ESRRG: variants seen among roughly 807,000 people sequenced by gnomAD.
ESRRG encodes estrogen-related receptor gamma.
In ESRRG, 13 loss-of-function variants were observed where a neutral mutation model predicts 44.0. The observed-to-expected ratio is 0.30, with a 90% CI of 0.19 to 0.47. ESRRG has a LOEUF of 0.47. ESRRG is among the 20% of genes least tolerant of loss of function. The pLI is 1.00. For synonymous variants in ESRRG, 215 were observed against 214.6 expected, an observed-to-expected ratio of 1.00 and a Z score of -0.02; for missense variants, 395 against 580.6, an observed-to-expected ratio of 0.68 and a Z score of 3.29.
In ESRRG at chr1:217,087,864, T is replaced by C. The variant is rs896072874; in HGVS notation, c.-106+1643A>G. 4.6e-5 allele frequency among the ~76,000 whole-genome samples: 7 copies of C among 152,304 alleles called. 1 individual carries two copies. The South Asian group carries it at 1.5e-3, about 32-fold the overall frequency. ...CTTATATACTTGATTCTTTTTCTAT[T>C]TGAAGGAGATGAAACCTCATCAATG... On this transcript the variant is annotated intron_variant, in intron 1 of 7. Transcript: ENST00000359162.
intron 3 of ESRRG, among the ~76,000 whole-genome samples, chr1:216,636,455 A>T (rs982687154): frequency 6.6e-6 from 1 of 152,226 alleles, no homozygotes; most frequent in African/African-American, 2.4e-5. Flanking sequence ...TTTTTCAGTG[A>T]TCTCTCTCAT....
chr1:216,699,467 C>A (rs755791835), intron 1 of ESRRG, among the ~76,000 whole-genome samples: 15 of 152,252 alleles, frequency 9.9e-5, no homozygotes, highest in South Asian at 4.2e-4. Context: ...TGACCACAAT[C>A]TTCAGTCTAC....
At position 216,514,984 on chromosome 1, in the gene ESRRG, A is replaced by ACACG. The variant is rs541287383; in HGVS notation, c.1132+4167_1132+4168insCGTG. Reference sequence around the variant, plus strand: ...TACACACACACACACACACACACACACAACACACACTTACATATGCACATA... The same window carrying ACACG: ...TACACACACACACACACACACACACACACGCAACACACACTTACATATGCACATA... On this transcript the variant is annotated intron_variant, in intron 6 of 6. Coordinates refer to ENST00000408911, the MANE Select transcript of ESRRG (RefSeq NM_001438.4). Among the ~76,000 whole-genome samples, 18 of 151,626 alleles carry ACACG rather than the reference A, an allele frequency of 1.2e-4. No individual in the cohort carries two copies. In the South Asian group the frequency reaches 3.3e-3, roughly 28 times the overall value.
At chr1:216,567,031 A>T (rs1338452970) in intron 4 of ESRRG, among the ~76,000 whole-genome samples, 1 of 152,202 alleles carries the variant, frequency 6.6e-6, no homozygotes, top group East Asian at 1.9e-4. Flanking sequence ...AGAAGTGGAC[A>T]TCTTCTCTTC....
chr1:216,817,950 A>T (rs1309450543), intron 2 of ESRRG, among the ~76,000 whole-genome samples: 2 of 151,976 alleles, frequency 1.3e-5, no homozygotes, highest in Non-Finnish European at 2.9e-5. Context: ...AATGCATATG[A>T]GGTCTGACTG....
chr1:216,856,602 T>C (rs1166883332), intron 2 of ESRRG, among the ~76,000 whole-genome samples: 1 of 152,212 alleles, frequency 6.6e-6, no homozygotes, highest in African/African-American at 2.4e-5. Context: ...AATTTAACCT[T>C]TGGAAAGTTA....
chr1:216,806,568 C>G (rs2094799677), intron 2 of ESRRG, among the ~76,000 whole-genome samples: 1 of 152,142 alleles, frequency 6.6e-6, no homozygotes, highest in Admixed American at 6.6e-5. Flanking sequence ...AATTTTAATT[C>G]CACTACTTCA....
intron 2 of ESRRG, among the ~76,000 whole-genome samples, chr1:216,756,944 T>C (rs991615958): frequency 1.1e-4 from 16 of 151,934 alleles, no homozygotes; most frequent in African/African-American, 3.9e-4. Flanking sequence ...ATAACTGAGA[T>C]GTCTAGGGTA....
intron 2 of ESRRG, among the ~76,000 whole-genome samples, chr1:216,902,546 G>C (rs12563547): frequency 0.096 from 14,539 of 151,840 alleles, 800 homozygotes; most frequent in East Asian, 0.14. Flanking sequence ...TGACAAAAGA[G>C]AGGAGAGAAA....
At chr1:216,973,468 A>AGGTC (rs1307224723) in intron 1 of ESRRG, among the ~76,000 whole-genome samples, 1 of 152,132 alleles carries the variant, frequency 6.6e-6, no homozygotes, top group Non-Finnish European at 1.5e-5. Flanking sequence ...CAGTGTTGTC[A>AGGTC]GGTCGCTGCT....
chr1:217,015,890 C>T (rs573911029), intron 1 of ESRRG, among the ~76,000 whole-genome samples: 28 of 152,066 alleles, frequency 1.8e-4, no homozygotes, highest in African/African-American at 4.6e-4. Flanking sequence ...CCACCACGCC[C>T]GGCTATTTTT....
At chr1:217,134,907 C>T (rs1407891678) in intron 1 of ESRRG, among the ~76,000 whole-genome samples, 2 of 152,254 alleles carry the variant, frequency 1.3e-5, no homozygotes, top group South Asian at 2.1e-4. Context: ...CAAGCGAGTC[C>T]TGGCCGCAGC....
intron 5 of ESRRG, among the ~76,000 whole-genome samples, chr1:216,526,747 C>T (rs529557357): frequency 4.6e-5 from 7 of 152,190 alleles, no homozygotes; most frequent in African/African-American, 1.7e-4. Context: ...AATAACAAAC[C>T]GAGCTAATCA....
chr1:216,683,971 A>G (rs1206407416), intron 1 of ESRRG, among the ~76,000 whole-genome samples: 1 of 152,124 alleles, frequency 6.6e-6, no homozygotes, highest in Non-Finnish European at 1.5e-5. Flanking sequence ...CTATGTCTTC[A>G]CTCTTGCAAA....
At chr1:217,047,002 G>T (rs2085008270) in intron 1 of ESRRG, among the ~76,000 whole-genome samples, 1 of 151,994 alleles carries the variant, frequency 6.6e-6, no homozygotes, top group Admixed American at 6.6e-5. Context: ...TGTAAGTGAA[G>T]GATGTGTTAC....
intron 1 of ESRRG, among the ~76,000 whole-genome samples, chr1:217,023,270 C>G (rs562145324): frequency 9.2e-5 from 14 of 152,128 alleles, no homozygotes; most frequent in Non-Finnish European, 1.9e-4. Context: ...ATCAATACCA[C>G]GTAAACCAAT....
At chr1:217,086,658 A>G (rs1236664962) in intron 1 of ESRRG, among the ~76,000 whole-genome samples, 2 of 152,234 alleles carry the variant, frequency 1.3e-5, no homozygotes, top group Non-Finnish European at 2.9e-5. Context: ...TAACCTATCT[A>G]TTATTCAAAA....
At chr1:216,781,280 T>TA (rs553039826) in intron 2 of ESRRG, among the ~76,000 whole-genome samples, 4,360 of 141,914 alleles carry the variant, frequency 0.031, 74 homozygotes, top group Non-Finnish European at 0.046. Flanking sequence ...ACAACCAAAA[T>TA]AAAAAAAAAA....
In ESRRG at chr1:216,968,854, T is replaced by C. The variant is rs114304940; in HGVS notation, c.-105-29181A>G. ...TATTGAGTCTTCCTATCCATGAACA[T>C]GGAATATCTCCATTTATTTAGTTAT... On this transcript the variant is annotated intron_variant, in intron 1 of 7. Transcript: ENST00000359162. Among the ~76,000 whole-genome samples, 500 of 152,276 alleles carry C rather than the reference T, an allele frequency of 3.3e-3. 2 individuals carry two copies. Among genetic ancestry groups the C allele is most frequent in the African/African-American group, 0.012 (480 of 41,578 alleles).
Sources: gnomAD v4.1 joint callset for allele counts (sites outside exome capture counted in the v4.1 genomes callset) on GRCh38, gnomAD v4.1.1 for gene constraint, MANE v1.5 for transcripts, NCBI Gene and HGNC (gene_info 2026-07-23, HGNC 2026-07-21) for gene names.